Variants in TENM1 observed in about 807,000 individuals in gnomAD.
TENM1 encodes teneurin transmembrane protein 1, also known as teneurin-1.
A neutral mutation model predicts 174.8 loss-of-function variants in TENM1; 35 were observed. The ratio of observed to expected loss-of-function variants is 0.20; its 90% CI spans 0.15 to 0.27. The LOEUF is 0.27. Ranked by LOEUF, TENM1 falls within the 10% of genes least tolerant of loss-of-function variation. The pLI is 1.00. For missense variants in TENM1, 1,633 were observed against 2,130.1 expected, an observed-to-expected ratio of 0.77 and a Z score of 4.59; for synonymous variants, 781 against 798.7, an observed-to-expected ratio of 0.98 and a Z score of 0.37.
intron 11 of TENM1, among the ~76,000 whole-genome samples, chrX:124,583,850 T>C (rs1168253870): frequency 7.7e-4 from 1 of 1,298 alleles, no homozygotes; most frequent in South Asian, 0.2. Flanking sequence ...AAGGAGCTGA[T>C]GGAGCTGAAA....
In TENM1 at chrX:124,436,164, A is replaced by G. The variant is rs899957440; in HGVS notation, c.4105-13526T>C. Among the ~76,000 whole-genome samples, 3 of 111,832 alleles carry G rather than the reference A, an allele frequency of 2.7e-5. No homozygotes were observed. The Admixed American group carries it at 2.8e-4, about 11-fold the overall frequency. ...CACCTCATTGCACAGTGTGCTAGTT[A>G]TTAAGCTACTGTCTCACAGCTCCCA... is the stretch of plus-strand genomic sequence containing the variant. On this transcript the variant is annotated intron_variant, in intron 23 of 31. Transcript: ENST00000422452.
At position 124,693,370 on chromosome X, in the gene TENM1, G is replaced by A. The variant is rs779201515; in HGVS notation, c.1015+11643C>T. On this transcript the variant is annotated intron_variant, in intron 5 of 31. Coordinates refer to ENST00000422452, the Ensembl canonical transcript of TENM1. ...TCATTGTTTTGTTTTTCTTCTTTGG[G>A]AACCATTAATATAATTATATGTAGT... is the stretch of plus-strand genomic sequence containing the variant. Among the ~76,000 whole-genome samples, 5 of 110,884 alleles carry A rather than the reference G, an allele frequency of 4.5e-5. No homozygotes were observed. In the South Asian group the frequency reaches 1.9e-3, roughly 42 times the overall value.
intron 11 of TENM1, among the ~76,000 whole-genome samples, chrX:124,589,118 G>A (rs1203986986): frequency 3.1e-4 from 33 of 107,687 alleles, no homozygotes; most frequent in African/African-American, 1.0e-3. Context: ...TATCATGAAG[G>A]TATTTTGGAG....
At chrX:125,025,118 G>T in the TENM1 span, among the ~76,000 whole-genome samples, 30 of 111,609 alleles carry the variant, frequency 2.7e-4, no homozygotes, top group Non-Finnish European at 4.5e-4. Context: ...ACCTCTGAAG[G>T]GTCCAAAAAC....
the TENM1 span, among the ~76,000 whole-genome samples, chrX:125,172,106 T>C: frequency 1.8e-5 from 2 of 111,668 alleles, no homozygotes; most frequent in South Asian, 3.7e-4. Flanking sequence ...AGTATAAACA[T>C]GCTAAATACT....
intron 15 of TENM1, among the ~76,000 whole-genome samples, chrX:124,546,420 G>A (rs1294419431): frequency 8.9e-6 from 1 of 111,844 alleles, no homozygotes; most frequent in Non-Finnish European, 1.9e-5. Context: ...GACAATTCAT[G>A]CATTTGAGCT....
chrX:124,420,714 T>C lies in TENM1; in HGVS notation c.4579A>G (p.Thr1527Ala), dbSNP rs778425020. ...AGGTGGGCTTGGTTCCTGCTGATGGTACGAATTCGAACATTTCCGAGGTCT... is the reference window on the plus strand; with the variant it reads ...AGGTGGGCTTGGTTCCTGCTGATGGCACGAATTCGAACATTTCCGAGGTCT... The change falls in exon 25 of 32, where the codon ACC becomes GCC. Residue 1527 changes from threonine (T) to alanine (A), a missense_variant. Physicochemically the swap from Thr to Ala is moderately conservative, Grantham distance 58. Coordinates refer to ENST00000422452, the Ensembl canonical transcript of TENM1. 2.1e-5 allele frequency: 26 copies of C among 1,211,588 alleles called. 1 individual carries two copies. Among genetic ancestry groups the C allele is most frequent in the Non-Finnish European group, 2.7e-5 (24 of 895,345 alleles).
chrX:124,454,360 C>A lies in TENM1; in HGVS notation c.3950-869G>T, dbSNP rs183574212. ...GTTTTAAAACTAGGACCATCCTTGA[C>A]AAACCAGGATGAGCTGGTTACTCTA... On this transcript the variant is annotated intron_variant, in intron 22 of 31. Transcript: ENST00000422452. Among the ~76,000 whole-genome samples the A allele has an allele frequency of 8.8e-4, 90 of 102,630 alleles. 1 individual carries two copies. Among genetic ancestry groups the A allele is most frequent in the African/African-American group, 3.1e-3 (86 of 27,439 alleles). The allele number at this position is 102,630 out of a possible 115,157, so 89.1% of individuals were successfully genotyped here.
chrX:124,791,362 A>G (rs1164071846), intron 3 of TENM1, among the ~76,000 whole-genome samples: 1 of 112,040 alleles, frequency 8.9e-6, no homozygotes, highest in Non-Finnish European at 1.9e-5. Context: ...CTACATATAT[A>G]CAAAATATAT....
chrX:125,173,335 C>A, the TENM1 span, among the ~76,000 whole-genome samples: 1 of 111,516 alleles, frequency 9.0e-6, no homozygotes, highest in African/African-American at 3.3e-5. Context: ...TAGGTGCAAT[C>A]TCCCCAGTTT....
At chrX:124,907,783 A>G (rs1022481105) in intron 1 of TENM1, among the ~76,000 whole-genome samples, 1 of 112,312 alleles carries the variant, frequency 8.9e-6, no homozygotes. Context: ...TGCAAACACT[A>G]ACATAGTAGT....
At chrX:124,401,876 C>A (rs1167160408) in intron 27 of TENM1, among the ~76,000 whole-genome samples, 4 of 112,110 alleles carry the variant, frequency 3.6e-5, no homozygotes, top group Non-Finnish European at 1.9e-5. Context: ...GGAAGCCAGC[C>A]AGTTGTCCTG....
At chrX:124,414,318 G>T (rs1030605021) in intron 25 of TENM1, among the ~76,000 whole-genome samples, 3 of 111,620 alleles carry the variant, frequency 2.7e-5, no homozygotes, top group African/African-American at 9.8e-5. Context: ...GCCTTAGTCT[G>T]GGACCTTTTC....
chrX:124,703,085 C>T (rs1385263125), intron 5 of TENM1, among the ~76,000 whole-genome samples: 2 of 111,365 alleles, frequency 1.8e-5, no homozygotes, highest in Non-Finnish European at 3.8e-5. Context: ...AGGCACTACT[C>T]CATGTGCTTT....
the TENM1 span, among the ~76,000 whole-genome samples, chrX:125,058,767 T>C: frequency 9.0e-6 from 1 of 110,829 alleles, no homozygotes; most frequent in African/African-American, 3.3e-5. Flanking sequence ...GCAAGTGGAA[T>C]GGGGTGGGGG....
chrX:124,807,057 A>T (rs1219080775), intron 3 of TENM1, among the ~76,000 whole-genome samples: 2 of 111,767 alleles, frequency 1.8e-5, no homozygotes, highest in Non-Finnish European at 1.9e-5. Context: ...GGTGTATCAC[A>T]TGGTGAGAAC....
At chrX:125,158,645 C>A in the TENM1 span, among the ~76,000 whole-genome samples, 1 of 110,209 alleles carries the variant, frequency 9.1e-6, no homozygotes, top group African/African-American at 3.3e-5. Context: ...ACTAGATGCA[C>A]ATTTTAACTA....
intron 6 of TENM1, among the ~76,000 whole-genome samples, chrX:124,659,690 A>G (rs1204622631): frequency 1.8e-5 from 2 of 111,510 alleles, no homozygotes; most frequent in African/African-American, 6.5e-5. Context: ...CTTTAAAAAG[A>G]ACAAAATTGG....
At chrX:124,634,453 G>A (rs1032105668) in intron 11 of TENM1, among the ~76,000 whole-genome samples, 5 of 111,472 alleles carry the variant, frequency 4.5e-5, no homozygotes, top group Non-Finnish European at 9.4e-5. Flanking sequence ...GTCTACTGAA[G>A]ATGCTAAATT....
Sources: gnomAD v4.1 joint callset for allele counts (sites outside exome capture counted in the v4.1 genomes callset) on GRCh38, gnomAD v4.1.1 for gene constraint, MANE v1.5 for transcripts, NCBI Gene and HGNC (gene_info 2026-07-23, HGNC 2026-07-21) for gene names.